The following RIC8B variants were observed in gnomAD, a reference collection of about 807,000 sequenced individuals.
RIC8B encodes the protein RIC8 guanine nucleotide exchange factor B, also known as chaperone Ric-8B.
RIC8B carries 16 observed loss-of-function variants against 57.5 expected under a neutral mutation model. The observed-to-expected ratio is 0.28, with a 90% CI of 0.19 to 0.42. RIC8B has a LOEUF of 0.42. RIC8B is among the 10% of genes least tolerant of loss of function. The pLI is 1.00. For missense variants in RIC8B, 481 were observed against 677.0 expected, an observed-to-expected ratio of 0.71 and a Z score of 3.21; for synonymous variants, 216 against 250.8, an observed-to-expected ratio of 0.86 and a Z score of 1.31.
intron 3 of RIC8B, chr12:106,823,552 A>G (rs998088449): frequency 4.9e-6 from 2 of 409,042 alleles, no homozygotes; most frequent in Non-Finnish European, 9.6e-6. Flanking sequence ...AGATTATTAT[A>G]TCTAAAATAA....
At chr12:106,862,078 C>T (rs780854775) in intron 8 of RIC8B, among the ~76,000 whole-genome samples, 1 of 152,066 alleles carries the variant, frequency 6.6e-6, no homozygotes, top group African/African-American at 2.4e-5. Flanking sequence ...TTGAAATCAA[C>T]AGCCATGATT....
chr12:106,840,466 A>ATGTG (rs2046818994), intron 4 of RIC8B, among the ~76,000 whole-genome samples: 2 of 152,166 alleles, frequency 1.3e-5, no homozygotes, highest in Non-Finnish European at 2.9e-5. Context: ...TATTGTGCAG[A>ATGTG]TCTGTGCATA....
intron 4 of RIC8B, among the ~76,000 whole-genome samples, chr12:106,827,144 AT>A (rs1288938582): frequency 3.3e-5 from 5 of 152,208 alleles, no homozygotes; most frequent in African/African-American, 1.2e-4. Context: ...TGCTGTAAAA[AT>A]TTATTGTACT....
chr12:106,875,150 C>T (rs978584007), intron 9 of RIC8B, among the ~76,000 whole-genome samples: 2 of 152,078 alleles, frequency 1.3e-5, no homozygotes, highest in African/African-American at 4.8e-5. Flanking sequence ...GTACTTTGAG[C>T]CATGACTGGC....
chr12:106,822,395 A>G (rs1321385110), intron 3 of RIC8B: 4 of 152,234 alleles, frequency 2.6e-5, no homozygotes, highest in African/African-American at 4.8e-5. Flanking sequence ...CCTGTGAGTC[A>G]GCATCTCCTC....
chr12:106,824,567 A>G (rs1330669266), intron 3 of RIC8B, among the ~76,000 whole-genome samples: 2 of 152,156 alleles, frequency 1.3e-5, no homozygotes, highest in African/African-American at 4.8e-5. Context: ...TTATGAAAAT[A>G]TATCACTTCA....
chr12:106,803,724 C>T (rs733891), intron 2 of RIC8B, among the ~76,000 whole-genome samples: 1 of 152,112 alleles, frequency 6.6e-6, no homozygotes, highest in Non-Finnish European at 1.5e-5. Flanking sequence ...AACCCTCAGC[C>T]CATTAAATCC....
chr12:106,819,789 A>AGTATTTT (rs1407731090), intron 3 of RIC8B, among the ~76,000 whole-genome samples: 3 of 148,356 alleles, frequency 2.0e-5, no homozygotes, highest in Non-Finnish European at 4.5e-5. Context: ...ATAATATATA[A>AGTATTTT]GTATATATAA....
chr12:106,837,573 A>G (rs975442403), intron 4 of RIC8B, among the ~76,000 whole-genome samples: 4 of 151,952 alleles, frequency 2.6e-5, no homozygotes, highest in African/African-American at 9.7e-5. Context: ...GCATAAGTAA[A>G]TAATAAATAA....
chr12:106,886,159 T>G lies in RIC8B; in HGVS notation c.*144T>G. On this transcript the variant is annotated 3_prime_UTR_variant, in exon 10 of 10. Coordinates refer to ENST00000392837, the MANE Select transcript of RIC8B (RefSeq NM_001330145.2). The stretch of plus-strand genomic sequence containing the variant: ...TTTACTCATTGAGAATCCAGCATAT[T>G]TAAGAGGTGACCCTGTGTTTTTTGT... 1.6e-6 allele frequency: 1 copy of G among 629,246 alleles called. No homozygotes were observed. Among genetic ancestry groups the G allele is most frequent in the South Asian group, 2.0e-5 (1 of 49,190 alleles). The allele number at this position is 629,246 out of a possible 1,614,324, so 39.0% of individuals were successfully genotyped here.
At chr12:106,877,093 A>G (rs1950699467) in intron 9 of RIC8B, among the ~76,000 whole-genome samples, 1 of 152,126 alleles carries the variant, frequency 6.6e-6, no homozygotes, top group South Asian at 2.1e-4. Flanking sequence ...GCAGATTTTT[A>G]GAAGCTTTGC....
chr12:106,870,804 C>CT lies in RIC8B; in HGVS notation c.1452-11dup, dbSNP rs1220436329. The stretch of plus-strand genomic sequence containing the variant: ...CATAATTTTAAAACATACAGCATAA[C>CT]TTTTTTTTCTTTTTGTAGCATTAAT... On this transcript the variant is annotated intron_variant, in intron 8 of 9. Coordinates refer to ENST00000392837, the MANE Select transcript of RIC8B (RefSeq NM_001330145.2). 9 of 1,482,688 alleles carry CT rather than the reference C, an allele frequency of 6.1e-6. No homozygotes were observed. Among genetic ancestry groups the CT allele is most frequent in the Admixed American group, 2.5e-5 (1 of 40,056 alleles). 91.8% of individuals were successfully genotyped at this position (1,482,688 alleles called of 1,614,324 possible). A position where few individuals can be genotyped will look rare whatever the true frequency, so the allele number is the denominator to read the frequency against.
chr12:106,881,219 G>A (rs1474282278), intron 9 of RIC8B, among the ~76,000 whole-genome samples: 3 of 151,832 alleles, frequency 2.0e-5, no homozygotes, highest in African/African-American at 7.3e-5. Context: ...GAAGTTGGGG[G>A]TGGGGGGTAT....
In RIC8B at chr12:106,873,310, C is replaced by T. The variant is rs186456627; in HGVS notation, c.1571+2368C>T. ...CAAATCATACAGAATTTTTGCATGA[C>T]GTGTGTTGGGCGTTTTACATTGTCT... On this transcript the variant is annotated intron_variant, in intron 9 of 9. Coordinates refer to ENST00000392837, the MANE Select transcript of RIC8B (RefSeq NM_001330145.2). 908 of 392,402 alleles carry T rather than the reference C, an allele frequency of 2.3e-3. 4 individuals carry two copies. Among genetic ancestry groups the T allele is most frequent in the Non-Finnish European group, 2.9e-3 (839 of 288,082 alleles). 24.3% of individuals were successfully genotyped at this position (392,402 alleles called of 1,614,324 possible). A position where few individuals can be genotyped will look rare whatever the true frequency, so the allele number is the denominator to read the frequency against.
rs748396389 is a variant in RIC8B at position 106,860,357 on chromosome 12, T to C, written c.1396T>C (p.Trp466Arg). 1.2e-6 allele frequency: 2 copies of C among 1,607,166 alleles called. No individual in the cohort carries two copies. Among genetic ancestry groups the C allele is most frequent in the Admixed American group, 3.4e-5 (2 of 59,200 alleles). The stretch of plus-strand genomic sequence containing the variant: ...CTTGGCTGGAGGAAGAGGAGATAAT[T>C]GGTACTCAGAGGATGAGGACACAGA... Reference protein sequence around the residue: ...GLLAGGRGDNWYSEDEDTDTE... With the variant: ...GLLAGGRGDNRYSEDEDTDTE... The change falls in exon 8 of 10, where the codon TGG (tryptophan) becomes CGG (arginine). Residue 466 changes from tryptophan to arginine, a missense_variant. Physicochemically the swap from Trp to Arg is moderately radical, Grantham distance 101. Coordinates refer to ENST00000392837, the MANE Select transcript of RIC8B (RefSeq NM_001330145.2).
intron 8 of RIC8B, among the ~76,000 whole-genome samples, chr12:106,862,317 A>G (rs1394859253): frequency 2.0e-5 from 3 of 152,084 alleles, no homozygotes; most frequent in Non-Finnish European, 4.4e-5. Context: ...CCCCCTTCGG[A>G]TAGATTTGCA....
At chr12:106,803,879 TA>T (rs2044869170) in intron 2 of RIC8B, among the ~76,000 whole-genome samples, 1 of 152,232 alleles carries the variant, frequency 6.6e-6, no homozygotes, top group African/African-American at 2.4e-5. Context: ...TGCAAAATTT[TA>T]GCTCTTACTG....
chr12:106,874,680 C>A, intron 9 of RIC8B: 1 of 762,614 alleles, frequency 1.3e-6, no homozygotes, highest in Non-Finnish European at 2.1e-6. Flanking sequence ...TATTTTGCCT[C>A]CATGCTGGAC....
At chr12:106,818,660 G>A (rs980769949) in intron 3 of RIC8B, among the ~76,000 whole-genome samples, 6 of 152,120 alleles carry the variant, frequency 3.9e-5, no homozygotes, top group African/African-American at 1.4e-4. Flanking sequence ...TGTTGTTCAG[G>A]CTGGTCTTGA....
Sources: allele counts gnomAD v4.1 joint callset (sites outside exome capture counted in the v4.1 genomes callset), GRCh38; gene constraint gnomAD v4.1.1; transcripts MANE v1.5; gene names NCBI Gene and HGNC (gene_info 2026-07-23, HGNC 2026-07-21).